KSR2: variants seen among roughly 807,000 people sequenced by gnomAD.
KSR2 encodes kinase suppressor of ras 2.
In KSR2, 25 loss-of-function variants were observed where a neutral mutation model predicts 107.8. That is an observed-to-expected ratio of 0.23 (90% CI 0.17 to 0.32). The LOEUF (loss-of-function observed/expected upper bound fraction) is 0.32, where lower values mean the gene tolerates loss of function less well. Among genes scored for constraint, KSR2 ranks in the 10% least tolerant of loss-of-function variants. The pLI is 1.00. For synonymous variants in KSR2, 480 were observed against 507.0 expected, an observed-to-expected ratio of 0.95 and a Z score of 0.71; for missense variants, 887 against 1,268.9, an observed-to-expected ratio of 0.70 and a Z score of 4.57.
At chr12:117,666,511 T>A (rs1884666464) in intron 5 of KSR2, among the ~76,000 whole-genome samples, 1 of 152,214 alleles carries the variant, frequency 6.6e-6, no homozygotes, top group South Asian at 2.1e-4. Flanking sequence ...TTGAGCAAGT[T>A]CTTTGACATC....
At position 117,731,534 on chromosome 12, in the gene KSR2, G is replaced by A. The variant is rs538344043; in HGVS notation, c.986+29477C>T. 3.9e-5 allele frequency among the ~76,000 whole-genome samples: 6 copies of A among 152,234 alleles called. No individual in the cohort carries two copies. In the South Asian group the frequency reaches 6.2e-4, roughly 16 times the overall value. ...TCCGGCCGCCACCCCGTCTGGGAGG[G>A]GTACCCAACAGCTCATTGAGAACAG... On this transcript the variant is annotated intron_variant, in intron 4 of 19. Transcript: ENST00000339824.
intron 7 of KSR2, among the ~76,000 whole-genome samples, chr12:117,572,613 A>C (rs146786827): frequency 1.2e-4 from 19 of 152,146 alleles, no homozygotes; most frequent in African/African-American, 4.6e-4. Flanking sequence ...ATGGGTAGCT[A>C]AAACAAGCAT....
At chr12:117,731,242 G>C (rs566482286) in intron 4 of KSR2, among the ~76,000 whole-genome samples, 1 of 139,580 alleles carries the variant, frequency 7.2e-6, no homozygotes, top group African/African-American at 2.7e-5. Flanking sequence ...CAGCCGCCCC[G>C]TCTGGGAAGT....
chr12:117,800,455 G>T (rs7980478), intron 3 of KSR2, among the ~76,000 whole-genome samples: 2 of 152,020 alleles, frequency 1.3e-5, no homozygotes, highest in South Asian at 2.1e-4. Flanking sequence ...GAAGCCTTGG[G>T]GAGCTGGAGA....
chr12:117,785,283 C>T lies in KSR2; in HGVS notation c.473-23759G>A, dbSNP rs187739334. The stretch of plus-strand genomic sequence containing the variant: ...TACAAAAATTAGCTGGGCATGGTGG[C>T]GGGTGCCTGTAGTCCCAGCTACTTG... On this transcript the variant is annotated intron_variant, in intron 3 of 19. Transcript: ENST00000339824. Among the ~76,000 whole-genome samples the T allele has an allele frequency of 1.6e-3, 250 of 151,836 alleles. 2 individuals carry two copies. The highest frequency in any genetic ancestry group is 5.6e-3 in the African/African-American group (230 of 41,416).
At chr12:117,704,453 TC>T (rs1886442614) in intron 4 of KSR2, among the ~76,000 whole-genome samples, 1 of 152,058 alleles carries the variant, frequency 6.6e-6, no homozygotes. Flanking sequence ...AGAGAAGGGA[TC>T]CCCCAAAACC....
At chr12:117,747,323 A>G (rs186870579) in intron 4 of KSR2, among the ~76,000 whole-genome samples, 3 of 152,244 alleles carry the variant, frequency 2.0e-5, no homozygotes, top group Non-Finnish European at 4.4e-5. Context: ...TCAGCAAACT[A>G]ACACAGGAAC....
chr12:117,485,802 T>C, intron 14 of KSR2, 111 bp from the exon 15 acceptor site: 1 of 725,642 alleles, frequency 1.4e-6, no homozygotes, highest in African/African-American at 1.7e-5. Flanking sequence ...CATGCCACTA[T>C]TGTGCTTATG....
At chr12:117,797,140 T>C (rs1486041488) in intron 3 of KSR2, among the ~76,000 whole-genome samples, 2 of 152,184 alleles carry the variant, frequency 1.3e-5, no homozygotes, top group Non-Finnish European at 2.9e-5. Flanking sequence ...TCTAGGCATA[T>C]ACCCCACATT....
At chr12:117,820,169 TC>T (rs1891514491) in intron 3 of KSR2, among the ~76,000 whole-genome samples, 1 of 151,990 alleles carries the variant, frequency 6.6e-6, no homozygotes, top group African/African-American at 2.4e-5. Flanking sequence ...AGCTAAGGGT[TC>T]CCCCCTACCC....
rs562972079 is a variant in KSR2, at chr12:117,540,462, C to G, written c.1519-575G>C. Among the ~76,000 whole-genome samples the G allele has an allele frequency of 1.4e-3, 214 of 152,284 alleles. 1 individual carries two copies. Among genetic ancestry groups the G allele is most frequent in the African/African-American group, 4.9e-3 (205 of 41,558 alleles). On this transcript the variant is annotated intron_variant, in intron 9 of 19. Transcript: ENST00000339824. ...AGCACAGTAGTGGGTTGAACAGTGT[C>G]CCCCAAAAGACGTCCACCCAGGACC...
At chr12:117,481,364 G>C (rs375982726) in intron 16 of KSR2, among the ~76,000 whole-genome samples, 5 of 152,130 alleles carry the variant, frequency 3.3e-5, no homozygotes, top group Admixed American at 2.6e-4. Flanking sequence ...GGTTAAATGA[G>C]ATTGTAAGTT....
intron 14 of KSR2, among the ~76,000 whole-genome samples, chr12:117,500,691 T>A (rs1457381464): frequency 1.3e-5 from 2 of 152,240 alleles, no homozygotes; most frequent in Non-Finnish European, 2.9e-5. Context: ...ATAAGCCTTG[T>A]ACTCATTCTA....
At chr12:117,779,453 C>T (rs190505389) in intron 3 of KSR2, among the ~76,000 whole-genome samples, 50 of 152,170 alleles carry the variant, frequency 3.3e-4, no homozygotes, top group Admixed American at 2.7e-3. Context: ...ATAAAAGTAC[C>T]CTCTTCTTAG....
intron 5 of KSR2, among the ~76,000 whole-genome samples, chr12:117,656,953 T>TAC (rs1884186084): frequency 9.6e-6 from 1 of 103,690 alleles, no homozygotes; most frequent in South Asian, 3.8e-4. Flanking sequence ...TATATATATA[T>TAC]ATATAATAGG....
At chr12:117,840,908 A>T (rs957138762) in intron 3 of KSR2, among the ~76,000 whole-genome samples, 1 of 151,860 alleles carries the variant, frequency 6.6e-6, no homozygotes, top group Non-Finnish European at 1.5e-5. Context: ...AGGCTGAGGC[A>T]GGAGAATTGC....
intron 1 of KSR2, among the ~76,000 whole-genome samples, chr12:117,943,828 G>A (rs899734773): frequency 7.2e-5 from 11 of 152,266 alleles, no homozygotes; most frequent in African/African-American, 2.2e-4. Context: ...AATCGTGGGG[G>A]CAGTTTCCCC....
chr12:117,672,174 TC>T (rs1884938907), intron 4 of KSR2, among the ~76,000 whole-genome samples: 1 of 152,116 alleles, frequency 6.6e-6, no homozygotes, highest in African/African-American at 2.4e-5. Flanking sequence ...TGCCATTTCA[TC>T]CCACGCAAAT....
chr12:117,777,419 A>C (rs974173580), intron 3 of KSR2, among the ~76,000 whole-genome samples: 2 of 152,148 alleles, frequency 1.3e-5, no homozygotes, highest in African/African-American at 4.8e-5. Flanking sequence ...TCAGTTTAAG[A>C]CCACAGAAAG....
Sources: gnomAD v4.1 joint callset for allele counts (sites outside exome capture counted in the v4.1 genomes callset) on GRCh38, gnomAD v4.1.1 for gene constraint, MANE v1.5 for transcripts, NCBI Gene and HGNC (gene_info 2026-07-23, HGNC 2026-07-21) for gene names.